Variants in HMX1 observed in about 807,000 individuals in gnomAD.
HMX1 encodes the protein homeobox protein HMX1.
A neutral mutation model predicts 8.9 loss-of-function variants in HMX1; 8 were observed. The ratio of observed to expected loss-of-function variants is 0.90; its 90% CI spans 0.53 to 1.63. The LOEUF is 1.63. Among genes scored for constraint, HMX1 ranks in the 40% most tolerant of loss-of-function variants. The pLI, the probability that HMX1 is intolerant of heterozygous loss-of-function variation, is 0.00. For synonymous variants in HMX1, 311 were observed against 283.4 expected, an observed-to-expected ratio of 1.10 and a Z score of -0.98; for missense variants, 621 against 558.5, an observed-to-expected ratio of 1.11 and a Z score of -1.13.
chr4:8,858,925 T>TGGTGGG, intron 1 of HMX1: 1 of 152,332 alleles, frequency 6.6e-6, no homozygotes, highest in South Asian at 2.1e-4. Flanking sequence ...GTGGTGGTGG[T>TGGTGGG]GGGGGGTGCA....
chr4:8,852,549 C>T (rs985876984), intron 1 of HMX1, among the ~76,000 whole-genome samples: 2 of 152,172 alleles, frequency 1.3e-5, no homozygotes, highest in South Asian at 2.1e-4. Context: ...GCTGCACACG[C>T]GGGGCCTGGG....
Position 8,848,809 on chromosome 4 carries a change from G to C in HMX1, c.395-2485C>G, listed in dbSNP as rs1268993014. Among the ~76,000 whole-genome samples, 2 of 152,206 alleles carry C rather than the reference G, an allele frequency of 1.3e-5. No individual in the cohort carries two copies. Among genetic ancestry groups the C allele is most frequent in the African/African-American group, 2.4e-5 (1 of 41,450 alleles). On this transcript the variant is annotated intron_variant, in intron 1 of 1. Coordinates refer to the HMX1 transcript ENST00000506970. The surrounding 1 kb of genome is among the most constrained non-coding windows in gnomAD (Gnocchi z 4.1). ...GACATCATAAGGGCTTTTCCTGGTT[G>C]GTGAAGACCACAGGCTGCTGCCCAA... is the stretch of plus-strand genomic sequence containing the variant.
At position 8,871,543 on chromosome 4, in the gene HMX1, C is replaced by T; in HGVS notation, c.72G>A (p.Leu24=). ...ARASSFLIEN[L]LAAEAKGAGR... ...CTGCGCCCTTGGCCTCGGCCGCCAGCAGGTTCTCGATGAGGAAGGAGGAGG... is the reference window on the plus strand; with the variant it reads ...CTGCGCCCTTGGCCTCGGCCGCCAGTAGGTTCTCGATGAGGAAGGAGGAGG... The change falls in exon 1 of 2, where the codon CTG becomes CTA. Residue 24 remains leucine, a synonymous_variant. Transcript: ENST00000400677. This position sits in a 1 kb window ranked among gnomAD's most constrained non-coding sequence, Gnocchi z 4.8. 3 of 1,366,158 alleles carry T rather than the reference C, an allele frequency of 2.2e-6. No individual in the cohort carries two copies. The highest frequency in any genetic ancestry group is 9.5e-7 in the Non-Finnish European group (1 of 1,057,028). 84.6% of individuals were successfully genotyped at this position (1,366,158 alleles called of 1,614,324 possible).
chr4:8,858,592 G>T (rs375648978), intron 1 of HMX1: 3 of 152,218 alleles, frequency 2.0e-5, no homozygotes, highest in Admixed American at 6.5e-5. Flanking sequence ...TCGCCCGGAC[G>T]TCATGGGGGG....
At chr4:8,858,424 C>T (rs1451881970) in intron 1 of HMX1, among the ~76,000 whole-genome samples, 1 of 152,194 alleles carries the variant, frequency 6.6e-6, no homozygotes, top group Non-Finnish European at 1.5e-5. Context: ...AACAGGCCGG[C>T]GCGGCTGGGG....
chr4:8,860,351 A>T (rs907939261), intron 1 of HMX1, among the ~76,000 whole-genome samples: 3 of 152,170 alleles, frequency 2.0e-5, no homozygotes, highest in African/African-American at 7.2e-5. Context: ...GCTGAGCGGG[A>T]ACACGGAAGG....
chr4:8,857,408 G>C (rs1253342658), intron 1 of HMX1, among the ~76,000 whole-genome samples: 2 of 152,184 alleles, frequency 1.3e-5, no homozygotes, highest in Non-Finnish European at 2.9e-5. Flanking sequence ...GCGGGGTCTG[G>C]GGCAGCCTCC....
intron 1 of HMX1, among the ~76,000 whole-genome samples, chr4:8,858,511 C>T (rs1272082584): frequency 6.6e-6 from 1 of 152,196 alleles, no homozygotes; most frequent in Non-Finnish European, 1.5e-5. Flanking sequence ...ATTTGAGCTC[C>T]TTTGAGTCCG....
Position 8,868,382 on chromosome 4 carries a change from G to C in HMX1, c.395-37C>G. On this transcript the variant is annotated intron_variant, in intron 1 of 1. Transcript: ENST00000400677. This position sits in a 1 kb window ranked among gnomAD's most constrained non-coding sequence, Gnocchi z 4.6. ...AGAGGGCACCACCGTTGGTTCTAGGGCACTGATTACCAGACTCAATCACTG... is the reference window on the plus strand; with the variant it reads ...AGAGGGCACCACCGTTGGTTCTAGGCCACTGATTACCAGACTCAATCACTG... 1 of 1,331,676 alleles carries C rather than the reference G, an allele frequency of 7.5e-7. No individual in the cohort carries two copies. The highest frequency in any genetic ancestry group is 1.5e-5 in the African/African-American group (1 of 64,750). The allele number at this position is 1,331,676 out of a possible 1,614,324, so 82.5% of individuals were successfully genotyped here.
At position 8,848,718 on chromosome 4, in the gene HMX1, G is replaced by A. The variant is rs1353760693; in HGVS notation, c.395-2394C>T. Among the ~76,000 whole-genome samples the A allele has an allele frequency of 6.6e-6, 1 of 152,142 alleles. No individual in the cohort carries two copies. The highest frequency in any genetic ancestry group is 1.5e-5 in the Non-Finnish European group (1 of 68,030). On this transcript the variant is annotated intron_variant, in intron 1 of 1. Coordinates refer to the HMX1 transcript ENST00000506970. The surrounding 1 kb of genome is among the most constrained non-coding windows in gnomAD (Gnocchi z 4.1). ...CAGATCTGCAGGCCACTAGAACCAAGCAAGATGCCAACATGCCTGACACCC... is the reference window on the plus strand; with the variant it reads ...CAGATCTGCAGGCCACTAGAACCAAACAAGATGCCAACATGCCTGACACCC...
downstream of HMX1, among the ~76,000 whole-genome samples, chr4:8,865,306 C>A (rs1721959874): frequency 6.6e-6 from 1 of 152,242 alleles, no homozygotes; most frequent in Non-Finnish European, 1.5e-5. Context: ...GCCTGAGCTT[C>A]AATGACCCCC....
chr4:8,863,516 C>A (rs1016279123), downstream of HMX1, among the ~76,000 whole-genome samples: 2 of 152,358 alleles, frequency 1.3e-5, no homozygotes, highest in South Asian at 4.1e-4. Context: ...CACTGGGCAC[C>A]CCTCCCCTGC....
intron 1 of HMX1, among the ~76,000 whole-genome samples, chr4:8,855,448 G>A (rs1046549456): frequency 1.3e-5 from 2 of 152,200 alleles, no homozygotes; most frequent in African/African-American, 4.8e-5. Context: ...TGCAAGGGAG[G>A]CAACGATGGG....
At chr4:8,858,370 G>T (rs537053467) in intron 1 of HMX1, among the ~76,000 whole-genome samples, 1 of 152,218 alleles carries the variant, frequency 6.6e-6, no homozygotes, top group Admixed American at 6.5e-5. Flanking sequence ...ACACCGAGGG[G>T]TGAGGGGGCA....
Position 8,868,888 on chromosome 4 carries a change from C to T in HMX1, c.395-543G>A, listed in dbSNP as rs1448880616. Among the ~76,000 whole-genome samples, 3 of 152,142 alleles carry T rather than the reference C, an allele frequency of 2.0e-5. No individual in the cohort carries two copies. Among genetic ancestry groups the T allele is most frequent in the African/African-American group, 7.2e-5 (3 of 41,414 alleles). The stretch of plus-strand genomic sequence containing the variant: ...GAATGAAGAGTTCACAGGCCTCTTC[C>T]CGCGCCCTCTGCCCGCTTGCACAGA... On this transcript the variant is annotated intron_variant, in intron 1 of 1. Transcript: ENST00000400677. This position sits in a 1 kb window ranked among gnomAD's most constrained non-coding sequence, Gnocchi z 4.6.
chr4:8,866,445 C>T (rs4426869), downstream of HMX1, among the ~76,000 whole-genome samples: 10,078 of 152,302 alleles, frequency 0.066, 1,099 homozygotes, highest in African/African-American at 0.22. Context: ...CACCCAAAAG[C>T]AGCCAGCTTG....
chr4:8,853,908 G>C lies in HMX1; in HGVS notation c.395-7584C>G, dbSNP rs1721530652. Among the ~76,000 whole-genome samples, 3 of 152,212 alleles carry C rather than the reference G, an allele frequency of 2.0e-5. No homozygotes were observed. The highest frequency in any genetic ancestry group is 2.0e-4 in the Admixed American group (3 of 15,282). Reference sequence around the variant, plus strand: ...TCCCCCTTTCCTCACTCTGAGATCAGATAAAAATGTATGAGTATTTTTAAT... The same window carrying C: ...TCCCCCTTTCCTCACTCTGAGATCACATAAAAATGTATGAGTATTTTTAAT... On this transcript the variant is annotated intron_variant, in intron 1 of 1. Coordinates refer to the HMX1 transcript ENST00000506970. This position sits in a 1 kb window ranked among gnomAD's most constrained non-coding sequence, Gnocchi z 4.7.
chr4:8,851,613 C>G (rs1721450616), intron 1 of HMX1, among the ~76,000 whole-genome samples: 1 of 152,220 alleles, frequency 6.6e-6, no homozygotes, highest in Admixed American at 6.5e-5. Flanking sequence ...CTCTGCGGGC[C>G]TGAGGCCAGG....
Position 8,849,847 on chromosome 4 carries a change from C to G in HMX1, c.395-3523G>C, listed in dbSNP as rs1004262854. Among the ~76,000 whole-genome samples, 1 of 152,202 alleles carries G rather than the reference C, an allele frequency of 6.6e-6. No individual in the cohort carries two copies. The highest frequency in any genetic ancestry group is 1.5e-5 in the Non-Finnish European group (1 of 68,032). ...GTGTGGTCTGCCATTTGTCATTTAA[C>G]TCCACCCTCAGCCCGGAGTCTTCAG... is the stretch of plus-strand genomic sequence containing the variant. On this transcript the variant is annotated intron_variant, in intron 1 of 1. Transcript: ENST00000506970. The surrounding 1 kb of genome is among the most constrained non-coding windows in gnomAD (Gnocchi z 6.6).
Sources: gnomAD v4.1 joint callset for allele counts (sites outside exome capture counted in the v4.1 genomes callset) on GRCh38, gnomAD v4.1.1 for gene constraint, Gnocchi (gnomAD v3.1) non-coding constraint, MANE v1.5 for transcripts, NCBI Gene and HGNC (gene_info 2026-07-23, HGNC 2026-07-21) for gene names.